The following CSMD3 variants were observed in gnomAD, a reference collection of about 807,000 sequenced individuals.
CSMD3 encodes CUB and Sushi multiple domains 3.
A neutral mutation model predicts 435.2 loss-of-function variants in CSMD3; 177 were observed. That is an observed-to-expected ratio of 0.41 (90% confidence interval 0.36 to 0.46). The LOEUF is 0.46. CSMD3 is among the 20% of genes least tolerant of loss of function. The pLI, the probability that CSMD3 is intolerant of heterozygous loss-of-function variation, is 0.34. For missense variants in CSMD3, 4,265 were observed against 4,504.6 expected (o/e 0.95, Z 1.52); for synonymous variants, 1,656 against 1,520.5 (o/e 1.09, Z -2.07).
At chr8:112,888,692 T>C (rs2081685547) in intron 10 of CSMD3, among the ~76,000 whole-genome samples, 1 of 151,708 alleles carries the variant, frequency 6.6e-6, no homozygotes, top group Non-Finnish European at 1.5e-5. Flanking sequence ...TATCGCTTTG[T>C]AGGTTAAGAA....
At chr8:113,097,532 T>A (rs1215887588) in intron 5 of CSMD3, among the ~76,000 whole-genome samples, 3 of 152,060 alleles carry the variant, frequency 2.0e-5, no homozygotes, top group Admixed American at 6.6e-5. Flanking sequence ...CTTTGTTTTC[T>A]CATTTTATCC....
chr8:113,208,009 G>GAT (rs1471862293), intron 3 of CSMD3, among the ~76,000 whole-genome samples: 1 of 152,124 alleles, frequency 6.6e-6, no homozygotes, highest in Non-Finnish European at 1.5e-5. Context: ...TTTAGAGGCC[G>GAT]ATGGTAGAAT....
chr8:113,283,433 A>C (rs1392655082), intron 2 of CSMD3, among the ~76,000 whole-genome samples: 1 of 152,138 alleles, frequency 6.6e-6, no homozygotes, highest in Non-Finnish European at 1.5e-5. Flanking sequence ...GCATGAATAG[A>C]CAATTCTCAA....
intron 8 of CSMD3, among the ~76,000 whole-genome samples, chr8:112,952,012 T>C (rs562814875): frequency 6.6e-6 from 1 of 151,844 alleles, no homozygotes; most frequent in East Asian, 1.9e-4. Flanking sequence ...AGACTACTAG[T>C]TCATTAATTT....
intron 13 of CSMD3, among the ~76,000 whole-genome samples, chr8:112,761,711 G>T (rs578087655): frequency 6.2e-4 from 94 of 152,030 alleles, no homozygotes; most frequent in Non-Finnish European, 1.1e-3. Flanking sequence ...TCAGTGAAAC[G>T]TTGTGCATGC....
chr8:113,019,291 C>A, intron 5 of CSMD3, 112 bp from the exon 6 acceptor site: 1 of 734,020 alleles, frequency 1.4e-6, no homozygotes, highest in South Asian at 1.5e-5. Flanking sequence ...TTTGCACTGT[C>A]AACTTTTTAA....
intron 4 of CSMD3, among the ~76,000 whole-genome samples, chr8:113,106,496 T>C (rs1416447504): frequency 6.6e-6 from 1 of 152,186 alleles, no homozygotes; most frequent in Non-Finnish European, 1.5e-5. Flanking sequence ...CAGTTGAATA[T>C]GTGTTATTGA....
intron 32 of CSMD3, among the ~76,000 whole-genome samples, chr8:112,447,283 G>GA (rs1463190466): frequency 5.3e-5 from 8 of 151,410 alleles, no homozygotes; most frequent in Admixed American, 3.3e-4. Context: ...ATACATGTAA[G>GA]AAAAATAAAG....
At chr8:112,394,356 T>A (rs1053139275) in intron 35 of CSMD3, among the ~76,000 whole-genome samples, 4 of 151,946 alleles carry the variant, frequency 2.6e-5, no homozygotes, top group Non-Finnish European at 5.9e-5. Flanking sequence ...GTCATATTGG[T>A]TCTACTCCAC....
Position 112,613,617 on chromosome 8 carries a change from A to C in CSMD3, c.3715+23200T>G, listed in dbSNP as rs1055768127. ...TACCCTCCAGCCTTTGGCACACTACACTTTGCAAGAGAAATACTATGGAGT... is the reference window on the plus strand; with the variant it reads ...TACCCTCCAGCCTTTGGCACACTACCCTTTGCAAGAGAAATACTATGGAGT... On this transcript the variant is annotated intron_variant, in intron 22 of 70. Transcript: ENST00000297405. 8.5e-5 allele frequency among the ~76,000 whole-genome samples: 13 copies of C among 152,198 alleles called. 1 individual carries two copies. The East Asian group carries it at 2.5e-3, about 29-fold the overall frequency.
intron 10 of CSMD3, among the ~76,000 whole-genome samples, chr8:112,871,412 A>G (rs2081131535): frequency 6.6e-6 from 1 of 152,186 alleles, no homozygotes; most frequent in Non-Finnish European, 1.5e-5. Context: ...AAAGCATTTG[A>G]GGCTTAATCT....
chr8:113,361,645 A>C (rs2094277390), intron 1 of CSMD3, among the ~76,000 whole-genome samples: 2 of 152,210 alleles, frequency 1.3e-5, no homozygotes, highest in African/African-American at 4.8e-5. Flanking sequence ...TATCACATGG[A>C]TTTAAAAAAT....
At chr8:112,787,807 C>T (rs754920026) in intron 13 of CSMD3, among the ~76,000 whole-genome samples, 15 of 151,636 alleles carry the variant, frequency 9.9e-5, no homozygotes, top group Non-Finnish European at 1.3e-4. Flanking sequence ...GTGGGGTGGT[C>T]GGGAGAGGAG....
chr8:113,436,281 G>A (rs2094705645), intron 1 of CSMD3, among the ~76,000 whole-genome samples: 1 of 152,170 alleles, frequency 6.6e-6, no homozygotes, highest in African/African-American at 2.4e-5. Flanking sequence ...AAAGCATTTA[G>A]ACCAGCGTCT....
intron 3 of CSMD3, among the ~76,000 whole-genome samples, chr8:113,216,593 T>C (rs2092908963): frequency 6.6e-6 from 1 of 151,932 alleles, no homozygotes; most frequent in South Asian, 2.1e-4. Flanking sequence ...CAGAAACAAT[T>C]TAAAAGTGGA....
At chr8:112,596,313 T>C (rs2131391374) in intron 22 of CSMD3, among the ~76,000 whole-genome samples, 1 of 152,224 alleles carries the variant, frequency 6.6e-6, no homozygotes, top group Non-Finnish European at 1.5e-5. Context: ...CAAGAAGAGC[T>C]AACTATCCAA....
intron 3 of CSMD3, among the ~76,000 whole-genome samples, chr8:113,266,477 T>C (rs1304316528): frequency 6.6e-6 from 1 of 151,444 alleles, no homozygotes; most frequent in Non-Finnish European, 1.5e-5. Context: ...CAGTTCTAAA[T>C]TAAATTTCTA....
At chr8:112,506,215 G>A (rs1321486507) in intron 29 of CSMD3, among the ~76,000 whole-genome samples, 1 of 151,970 alleles carries the variant, frequency 6.6e-6, no homozygotes, top group Middle Eastern at 3.2e-3. Flanking sequence ...TCTTTACTTA[G>A]GAAAAACAAA....
intron 13 of CSMD3, among the ~76,000 whole-genome samples, chr8:112,755,684 T>C (rs2077682211): frequency 6.6e-6 from 1 of 151,170 alleles, no homozygotes; most frequent in Non-Finnish European, 1.5e-5. Flanking sequence ...TCTGATATCC[T>C]ACAACCTATC....
Sources: gnomAD v4.1 joint callset for allele counts (sites outside exome capture counted in the v4.1 genomes callset) on GRCh38, gnomAD v4.1.1 for gene constraint, MANE v1.5 for transcripts, NCBI Gene and HGNC (gene_info 2026-07-23, HGNC 2026-07-21) for gene names.